Variants in FAM149A observed in about 807,000 individuals in gnomAD.
FAM149A encodes the protein family with sequence similarity 149 member A.
Under a neutral mutation model 78.2 loss-of-function variants are expected in FAM149A, and 71 were observed. The observed-to-expected ratio is 0.91, with a 90% CI of 0.75 to 1.11. The LOEUF (loss-of-function observed/expected upper bound fraction) is 1.11. Ranked by LOEUF, FAM149A falls within the 50% of genes least tolerant of loss-of-function variation. FAM149A has a pLI of 0.00. For missense variants in FAM149A, 1,036 were observed against 971.0 expected, an observed-to-expected ratio of 1.07 and a Z score of -0.89; for synonymous variants, 446 against 410.5, an observed-to-expected ratio of 1.09 and a Z score of -1.04.
chr4:186,126,863 C>G, intron 1 of FAM149A: 1 of 984,364 alleles, frequency 1.0e-6, no homozygotes, highest in South Asian at 4.7e-5. Context: ...CTCTGGAGAA[C>G]CCCAATACAG....
chr4:186,146,711 A>G, intron 1 of FAM149A: 1 of 860,028 alleles, frequency 1.2e-6, no homozygotes. Context: ...ATTTGGGGGA[A>G]TATCAGCTGC....
Position 186,105,628 on chromosome 4 carries a change from C to G in FAM149A, c.552C>G (p.Ser184=). 2 of 1,058,776 alleles carry G rather than the reference C, an allele frequency of 1.9e-6. No homozygotes were observed. Among genetic ancestry groups the G allele is most frequent in the Non-Finnish European group, 1.1e-6 (1 of 871,316 alleles). 65.6% of individuals were successfully genotyped at this position (1,058,776 alleles called of 1,614,324 possible). ...AGGAGGGGGCCTCGGACGGCGACTCCGGGGATGGCGAAGCGTGAGTAGCAG... is the reference window on the plus strand; with the variant it reads ...AGGAGGGGGCCTCGGACGGCGACTCGGGGGATGGCGAAGCGTGAGTAGCAG... Residue 184 remains serine, a synonymous_variant, in exon 1 of 14, where the codon TCC becomes TCG. Transcript: ENST00000389354.
chr4:186,106,805 G>A (rs2099308948), intron 1 of FAM149A, among the ~76,000 whole-genome samples: 1 of 152,066 alleles, frequency 6.6e-6, no homozygotes, highest in South Asian at 2.1e-4. Flanking sequence ...AAATTAGCCG[G>A]GCGTGGTGGT....
At chr4:186,156,597 C>T (rs1469711064) in intron 7 of FAM149A, among the ~76,000 whole-genome samples, 3 of 151,296 alleles carry the variant, frequency 2.0e-5, no homozygotes, top group Non-Finnish European at 3.0e-5. Context: ...TTGCTTGAAC[C>T]CAGGAGGTGG....
intron 1 of FAM149A, among the ~76,000 whole-genome samples, chr4:186,130,909 A>G: frequency 6.6e-6 from 1 of 152,146 alleles, no homozygotes; most frequent in South Asian, 2.1e-4. Context: ...TGGTGAAAAG[A>G]TGGTTGCTAT....
At chr4:186,112,326 A>G (rs907655154) in intron 1 of FAM149A, among the ~76,000 whole-genome samples, 5 of 146,106 alleles carry the variant, frequency 3.4e-5, no homozygotes, top group Admixed American at 7.0e-5. Context: ...TAGATATACA[A>G]TCATGTCGTC....
At chr4:186,108,888 C>G (rs1016600910) in intron 1 of FAM149A, among the ~76,000 whole-genome samples, 4 of 151,068 alleles carry the variant, frequency 2.6e-5, no homozygotes, top group African/African-American at 9.7e-5. Flanking sequence ...TGCTCTGTCG[C>G]CCAGGCTGGA....
In FAM149A at chr4:186,163,595, C is replaced by T. The variant is rs1374531074; in HGVS notation, c.1851C>T (p.Pro617=). ...CAGATTCACAGAGACTAAAAACTCC[C>T]AACATCTATAGTGACGAAGTTCTTC... Residue 617 remains proline, a synonymous_variant, in exon 10 of 14, where the codon CCC becomes CCT. Transcript: ENST00000389354. 1 of 1,614,148 alleles carries T rather than the reference C, an allele frequency of 6.2e-7. No individual in the cohort carries two copies. Among genetic ancestry groups the T allele is most frequent in the Non-Finnish European group, 8.5e-7 (1 of 1,179,992 alleles).
intron 1 of FAM149A, chr4:186,130,293 C>CTCTCTCTCTCTA: frequency 1.9e-3 from 89 of 46,584 alleles, no homozygotes; most frequent in East Asian, 2.3e-3. Flanking sequence ...CTCTCTCTCT[C>CTCTCTCTCTCTA]TATATATATA....
Position 186,155,592 on chromosome 4 carries a change from AT to A in FAM149A, c.1230-407del, listed in dbSNP as rs1170404219. The stretch of plus-strand genomic sequence containing the variant: ...AACACAACATATTAAAACCAAACTT[AT>A]GGGGTACAGTAGAAGCAGCTCTAAA... On this transcript the variant is annotated intron_variant, in intron 6 of 13. Coordinates refer to ENST00000389354, the MANE Select transcript of FAM149A (RefSeq NM_001367768.3). Among the ~76,000 whole-genome samples the A allele has an allele frequency of 1.5e-4, 23 of 152,318 alleles. No homozygotes were observed. The East Asian group carries it at 2.9e-3, about 19-fold the overall frequency.
At chr4:186,158,020 C>T (rs563612662) in intron 8 of FAM149A, 89 of 1,440,254 alleles carry the variant, frequency 6.2e-5, no homozygotes, top group East Asian at 4.7e-4. Context: ...CACAAAAGGA[C>T]GGACCAGCGA....
chr4:186,169,201 T>A, intron 13 of FAM149A: 1 of 983,328 alleles, frequency 1.0e-6, no homozygotes, highest in Non-Finnish European at 1.2e-6. Flanking sequence ...TATCAGTAAC[T>A]TTTTTTCCTT....
chr4:186,151,802 T>A (rs1227751168), intron 3 of FAM149A, 101 bp from the exon 4 acceptor site: 1 of 1,511,964 alleles, frequency 6.6e-7, no homozygotes, highest in East Asian at 2.5e-5. Context: ...TGATGCACCC[T>A]CCTACATAGT....
At chr4:186,136,624 A>G (rs189303579) in intron 1 of FAM149A, among the ~76,000 whole-genome samples, 5 of 152,204 alleles carry the variant, frequency 3.3e-5, no homozygotes, top group East Asian at 3.9e-4. Flanking sequence ...TGCTTTTTAT[A>G]CTCTTCATAT....
At chr4:186,160,584 TACAC>T (rs1289129341) in intron 8 of FAM149A, among the ~76,000 whole-genome samples, 14 of 122,910 alleles carry the variant, frequency 1.1e-4, no homozygotes, top group Admixed American at 4.9e-4. Flanking sequence ...CCACATATCA[TACAC>T]ACACCACACA....
At chr4:186,158,752 G>A in intron 8 of FAM149A, 1 of 1,061,344 alleles carries the variant, frequency 9.4e-7, no homozygotes, top group Non-Finnish European at 1.1e-6. Context: ...CGTCCCTACT[G>A]CAGACTGGAG....
intron 6 of FAM149A, among the ~76,000 whole-genome samples, chr4:186,155,212 T>C (rs963128581): frequency 1.3e-5 from 2 of 152,090 alleles, no homozygotes; most frequent in East Asian, 1.9e-4. Flanking sequence ...GTGATCCTTC[T>C]GCCTCGGCCT....
intron 1 of FAM149A, 27 bp from the exon 2 acceptor site, chr4:186,149,146 A>T (rs761477835): frequency 4.4e-5 from 56 of 1,263,046 alleles, no homozygotes; most frequent in Non-Finnish European, 5.7e-5. Flanking sequence ...CATTAGGGAG[A>T]CTCGTCATGT....
intron 1 of FAM149A, chr4:186,130,295 A>G (rs1715069): frequency 3.9e-5 from 1 of 25,968 alleles, no homozygotes; most frequent in Non-Finnish European, 7.4e-5. Context: ...CTCTCTCTCT[A>G]TATATATATA....
Sources: allele counts gnomAD v4.1 joint callset (sites outside exome capture counted in the v4.1 genomes callset), GRCh38; gene constraint gnomAD v4.1.1; transcripts MANE v1.5; gene names NCBI Gene and HGNC (gene_info 2026-07-23, HGNC 2026-07-21).